PDE1C: variants seen among roughly 807,000 people sequenced by gnomAD.
PDE1C encodes the protein dual specificity calcium/calmodulin-dependent 3',5'-cyclic nucleotide phosphodiesterase 1C.
A neutral mutation model predicts 93.1 loss-of-function variants in PDE1C; 62 were observed. The ratio of observed to expected loss-of-function variants is 0.67; its 90% CI spans 0.54 to 0.82. PDE1C has a LOEUF of 0.82. Among genes scored for constraint, PDE1C ranks in the 40% least tolerant of loss-of-function variants. The pLI is 0.00. For missense variants in PDE1C, 742 were observed against 884.6 expected, an observed-to-expected ratio of 0.84 and a Z score of 2.04; for synonymous variants, 325 against 310.1, an observed-to-expected ratio of 1.05 and a Z score of -0.50.
At chr7:31,834,996 C>T (rs75561566) in intron 11 of PDE1C, among the ~76,000 whole-genome samples, 2 of 151,990 alleles carry the variant, frequency 1.3e-5, no homozygotes, top group African/African-American at 4.8e-5. Context: ...ATACTGTTCT[C>T]GTGGTAGCAA....
At chr7:31,787,129 C>T (rs1372340245) in intron 16 of PDE1C, 1 of 152,112 alleles carries the variant, frequency 6.6e-6, no homozygotes, top group Non-Finnish European at 1.5e-5. Flanking sequence ...TTTTACTTTA[C>T]ACTTTTGTAT....
chr7:31,697,190 C>T, the PDE1C span: 2 of 1,556,474 alleles, frequency 1.3e-6, no homozygotes, highest in Non-Finnish European at 1.7e-6. Context: ...CTGGAGGTCC[C>T]CAGGGCCTGG....
chr7:31,666,649 T>C, the PDE1C span, among the ~76,000 whole-genome samples: 1 of 152,198 alleles, frequency 6.6e-6, no homozygotes, highest in Non-Finnish European at 1.5e-5. Context: ...ATTCATCCTT[T>C]ATGGTGTAGA....
At chr7:32,197,646 A>T (rs1264286378) in intron 2 of PDE1C, among the ~76,000 whole-genome samples, 1 of 152,228 alleles carries the variant, frequency 6.6e-6, no homozygotes, top group Non-Finnish European at 1.5e-5. Flanking sequence ...CACATGTTAC[A>T]ACATGGATGA....
chr7:31,992,806 T>C (rs1784289908), intron 2 of PDE1C, among the ~76,000 whole-genome samples: 1 of 152,224 alleles, frequency 6.6e-6, no homozygotes, highest in South Asian at 2.1e-4. Context: ...TATTGTTCAT[T>C]GCCACACAGA....
Position 31,850,565 on chromosome 7 carries a change from A to T in PDE1C, c.851+76T>A. On this transcript the variant is annotated intron_variant, in intron 8 of 17. Coordinates refer to ENST00000396191, the MANE Select transcript of PDE1C (RefSeq NM_001191057.4). ...AGGAAACCTATGCAAAAGAAAGGTGACTAACACCTTTCTGATTTCTAAAAC... is the reference window on the plus strand; with the variant it reads ...AGGAAACCTATGCAAAAGAAAGGTGTCTAACACCTTTCTGATTTCTAAAAC... 3 of 949,526 alleles carry T rather than the reference A, an allele frequency of 3.2e-6. No homozygotes were observed. The South Asian group carries it at 3.9e-5, about 12-fold the overall frequency. The allele number at this position is 949,526 out of a possible 1,614,324, so 58.8% of individuals were successfully genotyped here.
chr7:32,071,085 C>G (rs1796009774), upstream of PDE1C: 5 of 985,268 alleles, frequency 5.1e-6, no homozygotes, highest in Non-Finnish European at 3.6e-6. Context: ...GAGGGGCGCG[C>G]GGGCACCGCC....
intron 11 of PDE1C, among the ~76,000 whole-genome samples, chr7:31,833,520 T>C (rs1289492081): frequency 6.6e-6 from 1 of 152,066 alleles, no homozygotes; most frequent in Non-Finnish European, 1.5e-5. Context: ...AACAAAATGT[T>C]GATAATATGG....
chr7:32,318,909 A>T (rs970138927), intron 1 of PDE1C, among the ~76,000 whole-genome samples: 1 of 152,116 alleles, frequency 6.6e-6, no homozygotes, highest in East Asian at 1.9e-4. Context: ...GAGGTTCGGG[A>T]GGGCTGGACT....
the PDE1C span, among the ~76,000 whole-genome samples, chr7:31,640,466 C>A: frequency 6.6e-6 from 1 of 152,208 alleles, no homozygotes; most frequent in African/African-American, 2.4e-5. Flanking sequence ...GGACTCCTAG[C>A]TCTGTTTCCT....
intron 1 of PDE1C, among the ~76,000 whole-genome samples, chr7:32,248,061 T>C (rs1456378946): frequency 5.3e-5 from 8 of 152,200 alleles, no homozygotes; most frequent in African/African-American, 1.7e-4. Flanking sequence ...GAGCACAGGA[T>C]GGCTGTTTGA....
chr7:31,690,341 C>T, the PDE1C span, among the ~76,000 whole-genome samples: 1 of 152,142 alleles, frequency 6.6e-6, no homozygotes, highest in Non-Finnish European at 1.5e-5. Flanking sequence ...GTTACTCCAC[C>T]CAGTAGGTAT....
At chr7:31,799,267 C>T (rs1405917600) in intron 16 of PDE1C, among the ~76,000 whole-genome samples, 1 of 151,704 alleles carries the variant, frequency 6.6e-6, no homozygotes, top group African/African-American at 2.4e-5. Context: ...ATCTGCAAAG[C>T]AGGGCATACC....
At chr7:32,223,223 CA>C (rs1194665179) in intron 1 of PDE1C, among the ~76,000 whole-genome samples, 2 of 152,210 alleles carry the variant, frequency 1.3e-5, no homozygotes, top group Admixed American at 1.3e-4. Flanking sequence ...ATTCCCATTT[CA>C]CTTGTTTTTC....
chr7:31,917,210 G>A (rs1015422527), intron 2 of PDE1C, among the ~76,000 whole-genome samples: 7 of 152,028 alleles, frequency 4.6e-5, no homozygotes, highest in Admixed American at 2.0e-4. Context: ...ATTACGGTAG[G>A]GTTAAATTTC....
intron 17 of PDE1C, among the ~76,000 whole-genome samples, chr7:31,763,447 T>C (rs1794954467): frequency 6.6e-6 from 1 of 151,756 alleles, no homozygotes; most frequent in Non-Finnish European, 1.5e-5. Flanking sequence ...TTGGGAGAGG[T>C]GGGTGGTCTT....
In PDE1C at chr7:32,374,160, GAGAA is replaced by G. The variant is rs764590020; in HGVS notation, c.310+53658_310+53661del. ...GAGACGAAAGAATGAAAGAAAGAAA[GAGAA>G]AGAAAGAAAGAAAGAAAGAAAGAAA... On this transcript the variant is annotated intron_variant, in intron 1 of 1. Transcript: ENST00000672256. Among the ~76,000 whole-genome samples the G allele has an allele frequency of 3.4e-3, 133 of 38,892 alleles. 1 individual carries two copies. Among genetic ancestry groups the G allele is most frequent in the African/African-American group, 0.016 (122 of 7,616 alleles). 25.5% of individuals were successfully genotyped at this position (38,892 alleles called of 152,430 possible). A position where few individuals can be genotyped will look rare whatever the true frequency, so the allele number is the denominator to read the frequency against.
chr7:31,793,137 A>T (rs1473377776), intron 16 of PDE1C, among the ~76,000 whole-genome samples: 2 of 152,036 alleles, frequency 1.3e-5, no homozygotes, highest in Non-Finnish European at 2.9e-5. Flanking sequence ...TATTTATGGT[A>T]CCATGCTGCT....
At chr7:31,675,770 G>A in the PDE1C span, among the ~76,000 whole-genome samples, 1 of 151,980 alleles carries the variant, frequency 6.6e-6, no homozygotes, top group Non-Finnish European at 1.5e-5. Context: ...AAGAAAAGCT[G>A]TTGGAAAATT....
Sources: allele counts gnomAD v4.1 joint callset (sites outside exome capture counted in the v4.1 genomes callset), GRCh38; gene constraint gnomAD v4.1.1; transcripts MANE v1.5; gene names NCBI Gene and HGNC (gene_info 2026-07-23, HGNC 2026-07-21).